The following MCM10 variants were observed in gnomAD, a reference collection of about 807,000 sequenced individuals.
MCM10 encodes minichromosome maintenance 10 replication initiation factor.
In MCM10, 91 loss-of-function variants were observed where a neutral mutation model predicts 109.9. The ratio of observed to expected loss-of-function variants is 0.83; its 90% CI spans 0.70 to 0.99. The LOEUF (loss-of-function observed/expected upper bound fraction) is 0.99, where lower values mean the gene tolerates loss of function less well. MCM10 is among the 50% of genes least tolerant of loss of function. MCM10 has a pLI of 0.00. For missense variants in MCM10, 1,077 were observed against 1,061.2 expected (o/e 1.01, Z -0.21); for synonymous variants, 380 against 387.2 (o/e 0.98, Z 0.22).
chr10:13,180,462 C>T lies in MCM10; in HGVS notation c.785C>T (p.Thr262Ile). The T allele has an allele frequency of 6.2e-7, 1 of 1,613,030 alleles. No individual in the cohort carries two copies. Among genetic ancestry groups the T allele is most frequent in the Non-Finnish European group, 8.5e-7 (1 of 1,179,778 alleles). Reference sequence around the variant, plus strand: ...CCCAGGCGGCCTCGAGTATCCTCCACAGAAATGAACAAGAAAATGACCGGC... The same window carrying T: ...CCCAGGCGGCCTCGAGTATCCTCCATAGAAATGAACAAGAAAATGACCGGC... ...LRLRRPRVSS[T>I]EMNKKMTGRK... Residue 262 changes from threonine to isoleucine, a missense_variant, in exon 7 of 20, where the codon ACA becomes ATA. Thr to Ile is a moderately conservative substitution (Grantham distance 89). Transcript: ENST00000378714.
chr10:13,192,547 A>T lies in MCM10; in HGVS notation c.1724A>T (p.Lys575Ile). 1 of 1,614,182 alleles carries T rather than the reference A, an allele frequency of 6.2e-7. No individual in the cohort carries two copies. Among genetic ancestry groups the T allele is most frequent in the Admixed American group, 1.7e-5 (1 of 60,024 alleles). Residue 575 changes from lysine (K) to isoleucine (I), a missense_variant, in exon 13 of 20, where the codon AAA becomes ATA. Lys to Ile is a moderately radical substitution (Grantham distance 102). Transcript: ENST00000378714. ...KQRMLEMRRR[K>I]SEEIQKRFLQ... ...CGGATGTTGGAGATGAGGAGAAGGA[A>T]ATCAGAAGAAATACAGAAGCGGTAA...
intron 6 of MCM10, among the ~76,000 whole-genome samples, chr10:13,178,777 A>G (rs1363726089): frequency 6.6e-6 from 1 of 152,202 alleles, no homozygotes; most frequent in Non-Finnish European, 1.5e-5. Context: ...GATTGCATTG[A>G]CGCTCTAGAT....
intron 17 of MCM10, among the ~76,000 whole-genome samples, chr10:13,202,655 G>A (rs567220557): frequency 6.6e-6 from 1 of 152,218 alleles, no homozygotes; most frequent in South Asian, 2.1e-4. Context: ...ATCTTTGGAA[G>A]ATTATGTGTC....
At chr10:13,180,763 G>A (rs560593541) in intron 7 of MCM10, among the ~76,000 whole-genome samples, 156 bp downstream of exon 7, 6 of 152,300 alleles carry the variant, frequency 3.9e-5, no homozygotes, top group South Asian at 4.1e-4. Flanking sequence ...GGTATCCAGC[G>A]GGTATAAGCA....
At chr10:13,208,979 A>G in intron 18 of MCM10, 112 bp from the exon 19 acceptor site, 1 of 770,212 alleles carries the variant, frequency 1.3e-6, no homozygotes, top group Non-Finnish European at 2.3e-6. Context: ...GTCACCTTGA[A>G]CAGCTTCTCC....
rs1483877567 is a variant in MCM10, at chr10:13,197,682, C to G, written c.2034C>G (p.Asn678Lys). 3.7e-6 allele frequency: 6 copies of G among 1,613,840 alleles called. No homozygotes were observed. The highest frequency in any genetic ancestry group is 4.2e-6 in the Non-Finnish European group (5 of 1,179,980). ...AGGTTCTTACAAAAACAAACCCAAACAGCATTAAGAAGAAACAAAAGGACC... is the reference window on the plus strand; with the variant it reads ...AGGTTCTTACAAAAACAAACCCAAAGAGCATTAAGAAGAAACAAAAGGACC... ...KGQVLTKTNPNSIKKKQKDPQ... is the reference protein window; with the variant it reads ...KGQVLTKTNPKSIKKKQKDPQ... Residue 678 changes from asparagine (N) to lysine (K), a missense_variant, in exon 15 of 20, where the codon AAC (asparagine) becomes AAG (lysine). Transcript: ENST00000378714.
chr10:13,185,027 A>G (rs1034390003), intron 8 of MCM10, among the ~76,000 whole-genome samples: 2 of 152,200 alleles, frequency 1.3e-5, no homozygotes, highest in African/African-American at 2.4e-5. Flanking sequence ...GCTTTGCACA[A>G]GCCTGCCTAC....
In MCM10 at chr10:13,168,375, C is replaced by G. The variant is rs144082089; in HGVS notation, c.8-2547C>G. Among the ~76,000 whole-genome samples, 355 of 152,312 alleles carry G rather than the reference C, an allele frequency of 2.3e-3. 1 individual carries two copies. Among genetic ancestry groups the G allele is most frequent in the African/African-American group, 7.0e-3 (292 of 41,576 alleles). Reference sequence around the variant, plus strand: ...AAGTTTGGCTACTGGCTTTTTCCTTCTGGTAAGGGAGTGTAGAGTGGTGGA... The same window carrying G: ...AAGTTTGGCTACTGGCTTTTTCCTTGTGGTAAGGGAGTGTAGAGTGGTGGA... On this transcript the variant is annotated intron_variant, in intron 2 of 19. Coordinates refer to ENST00000378714, the MANE Select transcript of MCM10 (RefSeq NM_018518.5).
At chr10:13,186,000 G>A (rs758703283) in intron 8 of MCM10, among the ~76,000 whole-genome samples, 164 bp from the exon 9 acceptor site, 3 of 152,152 alleles carry the variant, frequency 2.0e-5, no homozygotes, top group Non-Finnish European at 2.9e-5. Context: ...GGCCTCAAGC[G>A]ATCCACCTGC....
At chr10:13,180,744 CATT>C (rs1834200043) in intron 7 of MCM10, 137 bp downstream of exon 7, 5 of 982,894 alleles carry the variant, frequency 5.1e-6, no homozygotes, top group Non-Finnish European at 7.9e-6. Context: ...CACCACACAT[CATT>C]GAGTTGGTAT....
chr10:13,208,468 G>A (rs900283477), intron 18 of MCM10, among the ~76,000 whole-genome samples: 4 of 149,942 alleles, frequency 2.7e-5, no homozygotes, highest in East Asian at 2.0e-4. Flanking sequence ...AGTGGCTCAC[G>A]CCCGTAATCC....
chr10:13,177,518 T>G (rs1454552893), intron 6 of MCM10, among the ~76,000 whole-genome samples: 2 of 81,198 alleles, frequency 2.5e-5, no homozygotes, highest in East Asian at 9.7e-4. Context: ...CTTTTTTTTT[T>G]TTTTTTTTTT....
chr10:13,163,055 G>A (rs1417678954), intron 1 of MCM10, among the ~76,000 whole-genome samples: 4 of 151,428 alleles, frequency 2.6e-5, no homozygotes, highest in Non-Finnish European at 2.9e-5. Flanking sequence ...CTCCAGCCTG[G>A]GTGACAGAGA....
intron 3 of MCM10, among the ~76,000 whole-genome samples, chr10:13,171,644 C>T (rs1214977791): frequency 6.6e-6 from 1 of 152,212 alleles, no homozygotes; most frequent in Non-Finnish European, 1.5e-5. Flanking sequence ...ATGTTCTTTT[C>T]TCATTCCTGG....
Position 13,172,783 on chromosome 10 carries a change from T to C in MCM10, c.592+18T>C. 6.2e-7 allele frequency: 1 copy of C among 1,613,498 alleles called. No individual in the cohort carries two copies. The highest frequency in any genetic ancestry group is 8.5e-7 in the Non-Finnish European group (1 of 1,179,784). On this transcript the variant is annotated intron_variant, in intron 5 of 19. Transcript: ENST00000378714. The surrounding 1 kb of genome is among the most constrained non-coding windows in gnomAD (Gnocchi z 5.2). ...ACCTCCAGGTGTAGTACTTGCGGTC[T>C]CAGTATCTTGGCACTATTGTATGTG...
At chr10:13,167,092 T>C (rs1834011316) in intron 2 of MCM10, among the ~76,000 whole-genome samples, 1 of 152,016 alleles carries the variant, frequency 6.6e-6, no homozygotes, top group Non-Finnish European at 1.5e-5. Flanking sequence ...TGAGCTAAGA[T>C]TGCAACACTG....
chr10:13,206,485 T>A (rs1834582536), intron 18 of MCM10, among the ~76,000 whole-genome samples: 1 of 152,166 alleles, frequency 6.6e-6, no homozygotes, highest in African/African-American at 2.4e-5. Context: ...TTCTCCAGGG[T>A]CGATCCAGAG....
chr10:13,202,498 T>G (rs1465554800), intron 17 of MCM10, among the ~76,000 whole-genome samples: 1 of 152,202 alleles, frequency 6.6e-6, no homozygotes, highest in African/African-American at 2.4e-5. Context: ...GCTTACCAAG[T>G]GCACTTTTCT....
chr10:13,199,882 C>T (rs1356399622), intron 16 of MCM10, among the ~76,000 whole-genome samples: 3 of 152,114 alleles, frequency 2.0e-5, no homozygotes, highest in Admixed American at 2.0e-4. Context: ...GACAGGGTCT[C>T]CGTATGTTCC....
Sources: gnomAD v4.1 joint callset for allele counts (sites outside exome capture counted in the v4.1 genomes callset) on GRCh38, gnomAD v4.1.1 for gene constraint, Gnocchi (gnomAD v3.1) non-coding constraint, MANE v1.5 for transcripts, NCBI Gene and HGNC (gene_info 2026-07-23, HGNC 2026-07-21) for gene names.